CNTNAP2: variants seen among roughly 807,000 people sequenced by gnomAD.
The protein encoded by CNTNAP2 is contactin-associated protein-like 2.
A neutral mutation model predicts 155.2 loss-of-function variants in CNTNAP2; 98 were observed. That is an observed-to-expected ratio of 0.63 (90% CI 0.54 to 0.75). The LOEUF is 0.75. Ranked by LOEUF, CNTNAP2 falls within the 30% of genes least tolerant of loss-of-function variation. The pLI, the probability that CNTNAP2 is intolerant of heterozygous loss-of-function variation, is 0.00. For missense variants in CNTNAP2, 1,727 were observed against 1,688.1 expected, an observed-to-expected ratio of 1.02 and a Z score of -0.40; for synonymous variants, 651 against 631.2, an observed-to-expected ratio of 1.03 and a Z score of -0.47.
intron 1 of CNTNAP2, among the ~76,000 whole-genome samples, chr7:146,240,346 A>G (rs1280780365): frequency 1.3e-5 from 2 of 152,158 alleles, no homozygotes; most frequent in East Asian, 1.9e-4. Flanking sequence ...CAAATGAACT[A>G]TAAGTCATAT....
intron 13 of CNTNAP2, among the ~76,000 whole-genome samples, chr7:147,864,843 T>G (rs1216804648): frequency 2.6e-5 from 4 of 152,206 alleles, no homozygotes; most frequent in African/African-American, 9.7e-5. Context: ...CGATAGGGTT[T>G]TCTAAATATA....
At chr7:146,347,309 G>A (rs1794834505) in intron 1 of CNTNAP2, among the ~76,000 whole-genome samples, 1 of 152,076 alleles carries the variant, frequency 6.6e-6, no homozygotes, top group Non-Finnish European at 1.5e-5. Context: ...TAGAGCCCAG[G>A]CAGATCTTAT....
chr7:148,280,125 A>T (rs1243148380), intron 21 of CNTNAP2, among the ~76,000 whole-genome samples: 1 of 152,224 alleles, frequency 6.6e-6, no homozygotes, highest in East Asian at 1.9e-4. Context: ...CCTGGCCAAC[A>T]TGGTGAAATC....
chr7:146,772,502 CA>C (rs71165037), intron 1 of CNTNAP2, among the ~76,000 whole-genome samples: 10,736 of 96,174 alleles, frequency 0.11, 455 homozygotes, highest in Non-Finnish European at 0.14. Context: ...ACTGAAAATA[CA>C]AAAAAAAAAA....
rs546044218 is a variant in CNTNAP2, at chr7:147,469,149, A to G, written c.1671-16786A>G. ...AAACTGCCCTATTTTCACAGTGAAT[A>G]CACAAAAGAGCTATAAAATTAAAAC... On this transcript the variant is annotated intron_variant, in intron 10 of 23. Transcript: ENST00000361727. Among the ~76,000 whole-genome samples, 5 of 152,188 alleles carry G rather than the reference A, an allele frequency of 3.3e-5. No individual in the cohort carries two copies. The South Asian group carries it at 1.0e-3, about 32-fold the overall frequency.
chr7:148,226,397 C>T (rs1431296833), intron 19 of CNTNAP2, among the ~76,000 whole-genome samples: 1 of 151,906 alleles, frequency 6.6e-6, no homozygotes, highest in African/African-American at 2.4e-5. Flanking sequence ...GTCAGACAAC[C>T]ATCAGGTGAT....
chr7:148,247,651 A>ATT lies in CNTNAP2; in HGVS notation c.3381+17874_3381+17875dup, dbSNP rs1299873575. ...TATTTATTTATTTATTTATTTATTT[A>ATT]TTTATTTATTTATTTTTTTGGAGAT... On this transcript the variant is annotated intron_variant, in intron 20 of 23. Transcript: ENST00000361727. Among the ~76,000 whole-genome samples the ATT allele has an allele frequency of 5.1e-3, 617 of 121,622 alleles. 14 individuals carry two copies. Among genetic ancestry groups the ATT allele is most frequent in the Middle Eastern group, 0.012 (3 of 254 alleles). The allele number at this position is 121,622 out of a possible 152,430, so 79.8% of individuals were successfully genotyped here. A position where few individuals can be genotyped will look rare whatever the true frequency, so the allele number is the denominator to read the frequency against.
intron 1 of CNTNAP2, among the ~76,000 whole-genome samples, chr7:146,259,527 G>T (rs1563011937): frequency 6.6e-6 from 1 of 152,156 alleles, no homozygotes; most frequent in Non-Finnish European, 1.5e-5. Context: ...CTGGAGTAAA[G>T]GTCACTTATG....
intron 1 of CNTNAP2, among the ~76,000 whole-genome samples, chr7:146,721,890 T>TATATATATATATATATATATA (rs1491454260): frequency 6.0e-4 from 45 of 75,496 alleles, no homozygotes; most frequent in Non-Finnish European, 8.8e-4. Flanking sequence ...TATATATATA[T>TATATATATATATATATATATA]TTTTTTTTTT....
intron 1 of CNTNAP2, among the ~76,000 whole-genome samples, chr7:146,701,680 CAT>C (rs1554469919): frequency 5.3e-5 from 8 of 152,142 alleles, no homozygotes; most frequent in Non-Finnish European, 7.4e-5. Flanking sequence ...CACACACACA[CAT>C]AGAATTGTAT....
At chr7:146,822,533 A>T (rs1002518134) in intron 2 of CNTNAP2, among the ~76,000 whole-genome samples, 2 of 151,192 alleles carry the variant, frequency 1.3e-5, no homozygotes, top group Non-Finnish European at 2.9e-5. Context: ...CCTGTTTTTA[A>T]TAATGCTCGT....
chr7:148,145,212 C>G (rs374640136), intron 16 of CNTNAP2, among the ~76,000 whole-genome samples: 177 of 152,306 alleles, frequency 1.2e-3, no homozygotes, highest in African/African-American at 4.0e-3. Context: ...GGCCTTGAGT[C>G]CCTCTTACTG....
At chr7:146,719,113 A>G (rs1156635471) in intron 1 of CNTNAP2, among the ~76,000 whole-genome samples, 2 of 152,106 alleles carry the variant, frequency 1.3e-5, no homozygotes, top group East Asian at 3.8e-4. Context: ...TCCCCACCCA[A>G]TGTTGATGCA....
intron 21 of CNTNAP2, among the ~76,000 whole-genome samples, chr7:148,370,364 A>C (rs1798864619): frequency 6.6e-6 from 1 of 152,178 alleles, no homozygotes; most frequent in African/African-American, 2.4e-5. Context: ...GAATCCCTCC[A>C]CGCAGAAAGA....
chr7:147,110,471 C>T (rs1479021596), intron 5 of CNTNAP2, among the ~76,000 whole-genome samples: 1 of 152,018 alleles, frequency 6.6e-6, no homozygotes, highest in Admixed American at 6.6e-5. Flanking sequence ...CATCCCATCA[C>T]CTAAGTATTA....
At position 148,270,500 on chromosome 7, in the gene CNTNAP2, C is replaced by T. The variant is rs554896805; in HGVS notation, c.3475+3374C>T. ...GAGATTATCTCTCATCCCTACAAGCCTGTGACCTCCCTGCAGACCAAGAAA... is the reference window on the plus strand; with the variant it reads ...GAGATTATCTCTCATCCCTACAAGCTTGTGACCTCCCTGCAGACCAAGAAA... On this transcript the variant is annotated intron_variant, in intron 21 of 23. Transcript: ENST00000361727. Among the ~76,000 whole-genome samples the T allele has an allele frequency of 2.6e-5, 4 of 152,290 alleles. No individual in the cohort carries two copies. In the South Asian group the frequency reaches 8.3e-4, roughly 32 times the overall value.
chr7:147,223,939 C>CAAAA (rs571724956), intron 8 of CNTNAP2, among the ~76,000 whole-genome samples: 5 of 45,620 alleles, frequency 1.1e-4, no homozygotes, highest in Non-Finnish European at 1.4e-4. Context: ...GACTCAATCT[C>CAAAA]AAAAAAAAAA....
At chr7:147,474,993 G>T (rs957563203) in intron 10 of CNTNAP2, among the ~76,000 whole-genome samples, 36 of 152,138 alleles carry the variant, frequency 2.4e-4, no homozygotes, top group African/African-American at 8.7e-4. Flanking sequence ...TATTATAAAC[G>T]CTGTTCTGTC....
intron 1 of CNTNAP2, among the ~76,000 whole-genome samples, chr7:146,539,991 G>A (rs1193676745): frequency 2.6e-5 from 4 of 152,042 alleles, no homozygotes; most frequent in Admixed American, 6.6e-5. Context: ...AGTCAGAGGA[G>A]GGTGTTTACA....
Sources: allele counts gnomAD v4.1 joint callset (sites outside exome capture counted in the v4.1 genomes callset), GRCh38; gene constraint gnomAD v4.1.1; transcripts MANE v1.5; gene names NCBI Gene and HGNC (gene_info 2026-07-23, HGNC 2026-07-21).